The following GALNT17 variants were observed in gnomAD, a reference collection of about 807,000 sequenced individuals.
GALNT17 encodes the protein polypeptide N-acetylgalactosaminyltransferase 17, also known as UDP-GalNAc:polypeptide N-acetylgalactosaminyltransferase-like 3.
In GALNT17, 29 loss-of-function variants were observed where a neutral mutation model predicts 63.7. The ratio of observed to expected loss-of-function variants is 0.46; its 90% CI spans 0.34 to 0.62. The LOEUF is 0.62. GALNT17 is among the 20% of genes least tolerant of loss of function. The pLI is 0.01. For missense variants in GALNT17, 603 were observed against 799.6 expected, an observed-to-expected ratio of 0.75 and a Z score of 2.97; for synonymous variants, 305 against 318.3, an observed-to-expected ratio of 0.96 and a Z score of 0.45.
At chr7:71,262,048 T>C (rs1790394673) in intron 1 of GALNT17, among the ~76,000 whole-genome samples, 2 of 152,126 alleles carry the variant, frequency 1.3e-5, no homozygotes, top group Admixed American at 1.3e-4. Flanking sequence ...CGCGTGATGA[T>C]GGTGATGGTG....
At chr7:71,389,237 G>A (rs1174712457) in intron 3 of GALNT17, among the ~76,000 whole-genome samples, 3 of 151,874 alleles carry the variant, frequency 2.0e-5, no homozygotes, top group Admixed American at 2.0e-4. Flanking sequence ...AGGTTCAAGC[G>A]ATTTTCCTGC....
chr7:71,326,615 AAGTTATTCCT>A (rs564161351), intron 1 of GALNT17, among the ~76,000 whole-genome samples: 2 of 152,330 alleles, frequency 1.3e-5, no homozygotes, highest in African/African-American at 4.8e-5. Flanking sequence ...TTACTGGTTA[AAGTTATTCCT>A]AGGTATACTG....
At position 71,641,536 on chromosome 7, in the gene GALNT17, G is replaced by A. The variant is rs140846133; in HGVS notation, c.1081-23875G>A. 1.3e-3 allele frequency among the ~76,000 whole-genome samples: 200 copies of A among 152,132 alleles called. 1 individual carries two copies. The highest frequency in any genetic ancestry group is 4.5e-3 in the African/African-American group (188 of 41,498). On this transcript the variant is annotated intron_variant, in intron 6 of 10. Coordinates refer to ENST00000333538, the MANE Select transcript of GALNT17 (RefSeq NM_022479.3). ...CACTTTCTGGCTCCTAGACAGTGCC[G>A]TCTTGCAATGTCCTCACGTAGTGGA... is the stretch of plus-strand genomic sequence containing the variant.
intron 1 of GALNT17, among the ~76,000 whole-genome samples, chr7:71,172,356 C>CT: frequency 6.6e-6 from 1 of 151,430 alleles, no homozygotes; most frequent in South Asian, 2.1e-4. Context: ...ACTCAGGAGA[C>CT]TGAGACAGGA....
intron 5 of GALNT17, among the ~76,000 whole-genome samples, chr7:71,440,562 T>C (rs1012525710): frequency 6.6e-6 from 1 of 151,864 alleles, no homozygotes; most frequent in African/African-American, 2.4e-5. Flanking sequence ...TTAGTAGAGA[T>C]GGGGTTTCAC....
intron 2 of GALNT17, among the ~76,000 whole-genome samples, chr7:71,357,644 C>T (rs1317128702): frequency 2.6e-5 from 4 of 152,126 alleles, no homozygotes; most frequent in South Asian, 2.1e-4. Context: ...TAGGTGCTTA[C>T]GCCTGTAATT....
intron 3 of GALNT17, among the ~76,000 whole-genome samples, chr7:71,393,993 C>CT (rs11421200): frequency 0.24 from 36,546 of 152,040 alleles, 5,881 homozygotes; most frequent in African/African-American, 0.47. Flanking sequence ...TGATTCTCCC[C>CT]GATCTTCTTT....
chr7:71,565,912 C>T (rs1333481882), intron 5 of GALNT17, among the ~76,000 whole-genome samples: 3 of 146,100 alleles, frequency 2.1e-5, no homozygotes, highest in Non-Finnish European at 4.5e-5. Flanking sequence ...GGTGTGATCT[C>T]GGCTCACTGC....
intron 5 of GALNT17, among the ~76,000 whole-genome samples, chr7:71,509,977 GTC>G (rs1187752270): frequency 2.4e-4 from 37 of 151,192 alleles, no homozygotes; most frequent in Non-Finnish European, 1.3e-4. Flanking sequence ...CAGGTTCTCT[GTC>G]TCTCATTCAA....
chr7:71,215,201 C>T (rs935064848), intron 1 of GALNT17, among the ~76,000 whole-genome samples: 1 of 152,070 alleles, frequency 6.6e-6, no homozygotes. Context: ...TTTTGGTTAC[C>T]AGAGTCCAGT....
intron 3 of GALNT17, among the ~76,000 whole-genome samples, chr7:71,408,794 G>A (rs572518449): frequency 2.0e-5 from 3 of 152,168 alleles, no homozygotes; most frequent in African/African-American, 7.2e-5. Context: ...GATCGCTTGA[G>A]CTCAGGAGGT....
intron 1 of GALNT17, chr7:71,283,981 A>G (rs1439130299): frequency 6.6e-6 from 1 of 152,296 alleles, no homozygotes; most frequent in African/African-American, 2.4e-5. Flanking sequence ...CACTCTGTAT[A>G]ATGGACCAAT....
intron 3 of GALNT17, among the ~76,000 whole-genome samples, chr7:71,413,451 C>T (rs974712213): frequency 2.0e-5 from 3 of 151,958 alleles, no homozygotes; most frequent in South Asian, 2.1e-4. Context: ...CTGCAACCTC[C>T]GCCTCCCAGG....
intron 5 of GALNT17, among the ~76,000 whole-genome samples, chr7:71,457,620 G>A (rs1787377932): frequency 6.6e-6 from 1 of 152,182 alleles, no homozygotes; most frequent in African/African-American, 2.4e-5. Context: ...ACACCATATA[G>A]GGTAATTTGC....
At chr7:71,191,538 A>T (rs1453674953) in intron 1 of GALNT17, among the ~76,000 whole-genome samples, 1 of 152,228 alleles carries the variant, frequency 6.6e-6, no homozygotes, top group Non-Finnish European at 1.5e-5. Flanking sequence ...ATAAAACTTT[A>T]TTTACAGAAA....
At chr7:71,274,943 C>T (rs1053412905) in intron 1 of GALNT17, among the ~76,000 whole-genome samples, 2 of 152,176 alleles carry the variant, frequency 1.3e-5, no homozygotes, top group Non-Finnish European at 2.9e-5. Flanking sequence ...CCATGCTTGG[C>T]CCTGGGGGGT....
Position 71,145,018 on chromosome 7 carries a change from G to A in GALNT17, c.238+11978G>A, listed in dbSNP as rs146854894. Among the ~76,000 whole-genome samples, 805 of 152,272 alleles carry A rather than the reference G, an allele frequency of 5.3e-3. 7 individuals are homozygous for A. The highest frequency in any genetic ancestry group is 0.018 in the African/African-American group (759 of 41,560). On this transcript the variant is annotated intron_variant, in intron 1 of 10. Transcript: ENST00000333538. ...GCTGGGAATACAGGTGTGAGCCACT[G>A]TGCCCATCTTGGGCTGGGGTTTTTA...
intron 5 of GALNT17, among the ~76,000 whole-genome samples, chr7:71,440,130 A>G (rs930722934): frequency 6.6e-6 from 1 of 151,412 alleles, no homozygotes; most frequent in African/African-American, 2.4e-5. Context: ...GGATTTCACC[A>G]TGTTGGCCAG....
chr7:71,491,496 T>C (rs909556169), intron 5 of GALNT17, among the ~76,000 whole-genome samples: 2 of 152,156 alleles, frequency 1.3e-5, no homozygotes, highest in Admixed American at 1.3e-4. Context: ...CCAAGGAAGA[T>C]TTAAGGCAGC....
Sources: allele counts gnomAD v4.1 joint callset (sites outside exome capture counted in the v4.1 genomes callset), GRCh38; gene constraint gnomAD v4.1.1; transcripts MANE v1.5; gene names NCBI Gene and HGNC (gene_info 2026-07-23, HGNC 2026-07-21).